The following RGS8 variants were observed in gnomAD, a reference collection of about 807,000 sequenced individuals.
The protein encoded by RGS8 is regulator of G-protein signaling 8.
RGS8 carries 8 observed loss-of-function variants against 21.7 expected under a neutral mutation model. The observed-to-expected ratio is 0.37, with a 90% CI of 0.22 to 0.66. The LOEUF is 0.66. Among genes scored for constraint, RGS8 ranks in the 30% least tolerant of loss-of-function variants. RGS8 has a pLI of 0.59. For synonymous variants in RGS8, 80 were observed against 83.6 expected, an observed-to-expected ratio of 0.96 and a Z score of 0.24; for missense variants, 157 against 217.9, an observed-to-expected ratio of 0.72 and a Z score of 1.76.
upstream of RGS8, among the ~76,000 whole-genome samples, chr1:182,674,927 A>T (rs1041807583): frequency 7.2e-5 from 11 of 152,224 alleles, no homozygotes; most frequent in East Asian, 1.9e-3. Flanking sequence ...TGAACTTCCC[A>T]GTCTATACTC....
chr1:182,750,530 G>A, the RGS8 span, among the ~76,000 whole-genome samples: 45 of 152,192 alleles, frequency 3.0e-4, no homozygotes, highest in Middle Eastern at 3.4e-3. Flanking sequence ...TGTCACAAAA[G>A]GTGACAGTTT....
chr1:182,710,948 C>G, the RGS8 span, among the ~76,000 whole-genome samples: 1 of 152,144 alleles, frequency 6.6e-6, no homozygotes, highest in African/African-American at 2.4e-5. Context: ...CAGTTCAGGG[C>G]AATAAGCATC....
chr1:182,690,003 T>C, the RGS8 span, among the ~76,000 whole-genome samples: 1 of 152,270 alleles, frequency 6.6e-6, no homozygotes, highest in African/African-American at 2.4e-5. Context: ...TCCATTTCCA[T>C]AGGCAGAATG....
At chr1:182,649,025 G>T (rs1053872245) in intron 5 of RGS8, among the ~76,000 whole-genome samples, 2 of 152,048 alleles carry the variant, frequency 1.3e-5, no homozygotes, top group Non-Finnish European at 2.9e-5. Flanking sequence ...GCTTGAACCT[G>T]GGGGTCAGAG....
chr1:182,646,683 G>T, exon 7 of RGS8: 1 of 1,492,594 alleles, frequency 6.7e-7, no homozygotes, highest in Non-Finnish European at 9.2e-7. Flanking sequence ...ATATGATCTT[G>T]GCAGCAAGTG....
chr1:182,746,637 G>A, the RGS8 span, among the ~76,000 whole-genome samples: 1 of 150,982 alleles, frequency 6.6e-6, no homozygotes. Flanking sequence ...GGGCAATAGA[G>A]TAAGACTCTG....
chr1:182,664,633 A>G (rs555342432), intron 5 of RGS8, among the ~76,000 whole-genome samples: 30 of 152,348 alleles, frequency 2.0e-4, no homozygotes, highest in African/African-American at 7.2e-4. Flanking sequence ...AATCCTAAAT[A>G]TTATTATACA....
upstream of RGS8, among the ~76,000 whole-genome samples, chr1:182,675,487 A>G (rs780783190): frequency 6.6e-6 from 1 of 152,144 alleles, no homozygotes; most frequent in Non-Finnish European, 1.5e-5. Flanking sequence ...CACTGAACAG[A>G]TACCATAAAG....
upstream of RGS8, among the ~76,000 whole-genome samples, chr1:182,674,019 G>C (rs1557899899): frequency 1.3e-5 from 2 of 152,318 alleles, no homozygotes; most frequent in Non-Finnish European, 2.9e-5. Flanking sequence ...TGGAGAAACA[G>C]AGACGCGTCA....
At chr1:182,683,465 T>A (rs555966593) in intron 1 of RGS8, among the ~76,000 whole-genome samples, 1 of 152,124 alleles carries the variant, frequency 6.6e-6, no homozygotes, top group East Asian at 1.9e-4. Flanking sequence ...GACTTCAGGA[T>A]GGGGTAAGCT....
intron 1 of RGS8, among the ~76,000 whole-genome samples, chr1:182,682,652 A>G (rs1428431761): frequency 6.6e-6 from 1 of 152,190 alleles, no homozygotes; most frequent in Non-Finnish European, 1.5e-5. Flanking sequence ...GAAGCTGCTC[A>G]GTGGCCCTGA....
At chr1:182,689,222 ATCTCTC>A (rs138588158), upstream of RGS8, among the ~76,000 whole-genome samples, 27 of 145,698 alleles carry the variant, frequency 1.9e-4, no homozygotes, top group African/African-American at 6.8e-4. Context: ...CCCTAACAGC[ATCTCTC>A]TCTCTCTCTC....
chr1:182,726,959 T>G, the RGS8 span, among the ~76,000 whole-genome samples: 1 of 152,126 alleles, frequency 6.6e-6, no homozygotes, highest in East Asian at 1.9e-4. Context: ...TTCTTCACCT[T>G]CTGGGGCCAT....
At chr1:182,712,609 T>C in the RGS8 span, among the ~76,000 whole-genome samples, 1 of 152,190 alleles carries the variant, frequency 6.6e-6, no homozygotes, top group Non-Finnish European at 1.5e-5. Context: ...TTATAAACAA[T>C]ACCCTTTAGG....
chr1:182,692,120 C>T, the RGS8 span, among the ~76,000 whole-genome samples: 1 of 151,958 alleles, frequency 6.6e-6, no homozygotes, highest in Non-Finnish European at 1.5e-5. Flanking sequence ...ATTCTCCTGC[C>T]TCAGCCTCCT....
chr1:182,681,301 C>T (rs1213202591), intron 1 of RGS8, among the ~76,000 whole-genome samples: 1 of 152,164 alleles, frequency 6.6e-6, no homozygotes, highest in Non-Finnish European at 1.5e-5. Context: ...CGCTCAGTGC[C>T]AGGGTGCTGG....
rs1266162818 is a variant in RGS8 at position 182,646,989 on chromosome 1, T to C, written c.361-72A>G. ...GGTTTCTGGCAGCTGGCCCTAACTA[T>C]GCAATAATTATGAATGACAGCATCT... is the stretch of plus-strand genomic sequence containing the variant. On this transcript the variant is annotated intron_variant, in intron 6 of 6. Transcript: ENST00000483095. 2.3e-5 allele frequency: 30 copies of C among 1,290,928 alleles called. No individual in the cohort carries two copies. The East Asian group carries it at 6.7e-4, about 29-fold the overall frequency. 80.0% of individuals were successfully genotyped at this position (1,290,928 alleles called of 1,614,324 possible).
the RGS8 span, among the ~76,000 whole-genome samples, chr1:182,746,994 T>G: frequency 7.0e-6 from 1 of 143,410 alleles, no homozygotes; most frequent in African/African-American, 2.5e-5. Flanking sequence ...TCCTCCTGTT[T>G]CAACCTCCCA....
At chr1:182,678,879 C>A (rs981317130) in intron 1 of RGS8, among the ~76,000 whole-genome samples, 2 of 152,146 alleles carry the variant, frequency 1.3e-5, no homozygotes, top group Admixed American at 6.5e-5. Context: ...CCCTCACAAC[C>A]TGATCTCCTG....
Sources: allele counts gnomAD v4.1 joint callset (sites outside exome capture counted in the v4.1 genomes callset), GRCh38; gene constraint gnomAD v4.1.1; transcripts MANE v1.5; gene names NCBI Gene and HGNC (gene_info 2026-07-23, HGNC 2026-07-21).